The following SFTPD variants were observed in gnomAD, a reference collection of about 807,000 sequenced individuals.
The protein encoded by SFTPD is surfactant protein D.
A neutral mutation model predicts 34.6 loss-of-function variants in SFTPD; 18 were observed. The observed-to-expected ratio is 0.52, with a 90% confidence interval of 0.36 to 0.77. The LOEUF is 0.77. Ranked by LOEUF, SFTPD falls within the 30% of genes least tolerant of loss-of-function variation. The pLI, the probability that SFTPD is intolerant of heterozygous loss-of-function variation, is 0.00. For synonymous variants in SFTPD, 155 were observed against 180.9 expected (o/e 0.86, Z 1.15); for missense variants, 433 against 468.9 (o/e 0.92, Z 0.71).
At chr10:79,968,706 T>A (rs1380361768) in intron 1 of SFTPD, 1 of 152,184 alleles carries the variant, frequency 6.6e-6, no homozygotes, top group African/African-American at 2.4e-5. Flanking sequence ...TCAAAAGTAG[T>A]TCTGGGTCAA....
intron 2 of SFTPD, 98 bp downstream of exon 2, chr10:79,946,363 C>T: frequency 1.1e-6 from 1 of 918,398 alleles, no homozygotes; most frequent in Non-Finnish European, 1.7e-6. Flanking sequence ...AGAAACACGT[C>T]TCCAGACTTC....
At chr10:79,982,174 C>A (rs1842894977) in intron 1 of SFTPD, 1 of 433,432 alleles carries the variant, frequency 2.3e-6, no homozygotes, top group Non-Finnish European at 3.8e-6. Flanking sequence ...ACATGGGCAC[C>A]AAGCAGAGGA....
At chr10:79,940,864 A>G in intron 6 of SFTPD, 76 bp from the exon 7 acceptor site, 1 of 965,568 alleles carries the variant, frequency 1.0e-6, no homozygotes, top group Non-Finnish European at 1.7e-6. Context: ...GCCCCAAAGG[A>G]AGGGTGTCTA....
At chr10:79,961,310 C>T (rs1290040139) in intron 1 of SFTPD, among the ~76,000 whole-genome samples, 1 of 152,104 alleles carries the variant, frequency 6.6e-6, no homozygotes, top group Non-Finnish European at 1.5e-5. Context: ...TCTAATTAAA[C>T]TAAAGAGCTT....
intron 1 of SFTPD, among the ~76,000 whole-genome samples, chr10:79,976,636 C>T (rs1329796427): frequency 1.3e-5 from 2 of 152,298 alleles, no homozygotes; most frequent in South Asian, 2.1e-4. Context: ...CATAATGAAG[C>T]TTTCCACCTC....
At chr10:79,940,966 G>T (rs1842605293) in intron 6 of SFTPD, among the ~76,000 whole-genome samples, 178 bp from the exon 7 acceptor site, 1 of 144,342 alleles carries the variant, frequency 6.9e-6, no homozygotes, top group Non-Finnish European at 1.5e-5. Context: ...TTATGGTTCT[G>T]CTATGAACAA....
chr10:79,974,705 C>T (rs1842855065), intron 1 of SFTPD, among the ~76,000 whole-genome samples: 1 of 152,220 alleles, frequency 6.6e-6, no homozygotes, highest in Non-Finnish European at 1.5e-5. Context: ...TCACACCCTT[C>T]TATTCTTGTT....
intron 1 of SFTPD, among the ~76,000 whole-genome samples, chr10:79,963,081 A>T (rs1842783955): frequency 6.6e-6 from 1 of 152,124 alleles, no homozygotes; most frequent in Non-Finnish European, 1.5e-5. Flanking sequence ...AGTGGTTCAC[A>T]TCTGTAATCC....
At chr10:79,978,974 CTG>C (rs1842877108) in intron 1 of SFTPD, among the ~76,000 whole-genome samples, 2 of 152,090 alleles carry the variant, frequency 1.3e-5, no homozygotes, top group African/African-American at 4.8e-5. Flanking sequence ...CACCAAAAAA[CTG>C]TTAGAATAAA....
At chr10:79,940,627 C>G in intron 7 of SFTPD, 78 bp downstream of exon 7, 1 of 974,450 alleles carries the variant, frequency 1.0e-6, no homozygotes, top group South Asian at 1.4e-5. Context: ...TAGCCCCAGC[C>G]AAAGGCCAAA....
At chr10:79,942,735 C>A (rs1427470386) in intron 3 of SFTPD, 28 bp downstream of exon 3, 1 of 1,421,408 alleles carries the variant, frequency 7.0e-7, no homozygotes, top group Non-Finnish European at 1.0e-6. Context: ...CACCTGGAAA[C>A]ACCTGAAGTC....
chr10:79,971,711 A>C (rs1284187475), intron 1 of SFTPD: 1 of 151,410 alleles, frequency 6.6e-6, no homozygotes, highest in Non-Finnish European at 1.5e-5. Flanking sequence ...GTCCCTGTTC[A>C]TTTGCGGGAA....
chr10:79,971,959 G>A (rs1013198230), intron 1 of SFTPD: 1 of 151,850 alleles, frequency 6.6e-6, no homozygotes, highest in Non-Finnish European at 1.5e-5. Flanking sequence ...TTTTCCTTCT[G>A]GAATCCATAG....
At chr10:79,943,910 G>C (rs1842640745) in intron 2 of SFTPD, among the ~76,000 whole-genome samples, 2 of 152,358 alleles carry the variant, frequency 1.3e-5, no homozygotes, top group East Asian at 3.9e-4. Flanking sequence ...GCAGCAGGAA[G>C]ATGGACCAAG....
intron 7 of SFTPD, among the ~76,000 whole-genome samples, chr10:79,939,041 A>G (rs1309964274): frequency 6.6e-6 from 1 of 152,204 alleles, no homozygotes; most frequent in Non-Finnish European, 1.5e-5. Flanking sequence ...TTCCCTTTTC[A>G]GGGTTTCCAT....
intron 2 of SFTPD, among the ~76,000 whole-genome samples, chr10:79,944,162 C>G (rs1375619791): frequency 6.6e-6 from 1 of 152,226 alleles, no homozygotes; most frequent in African/African-American, 2.4e-5. Context: ...AAAATTCCTC[C>G]ACCCCTTCCA....
intron 1 of SFTPD, chr10:79,982,261 CGG>C (rs1025775050): frequency 1.3e-5 from 12 of 939,640 alleles, no homozygotes; most frequent in South Asian, 4.8e-5. Flanking sequence ...CGGGCGGCGG[CGG>C]GGGCGCTCGG....
At chr10:79,953,108 A>G (rs1046278568), upstream of SFTPD, among the ~76,000 whole-genome samples, 1 of 152,210 alleles carries the variant, frequency 6.6e-6, no homozygotes, top group Non-Finnish European at 1.5e-5. Context: ...GACCATGATT[A>G]TTCAACTGCA....
intron 1 of SFTPD, among the ~76,000 whole-genome samples, chr10:79,980,382 A>C (rs1192146073): frequency 6.6e-6 from 1 of 152,160 alleles, no homozygotes; most frequent in Non-Finnish European, 1.5e-5. Flanking sequence ...CCTGAGACAG[A>C]AGGTAAATTG....
Sources: gnomAD v4.1 joint callset for allele counts (sites outside exome capture counted in the v4.1 genomes callset) on GRCh38, gnomAD v4.1.1 for gene constraint, MANE v1.5 for transcripts, NCBI Gene and HGNC (gene_info 2026-07-23, HGNC 2026-07-21) for gene names.